NF1: variants seen among roughly 807,000 people sequenced by gnomAD.
NF1 encodes the protein neurofibromin.
NF1 carries 122 observed loss-of-function variants against 325.7 expected under a neutral mutation model. That is an observed-to-expected ratio of 0.37 (90% confidence interval 0.32 to 0.44). NF1 has a LOEUF of 0.44. Among genes scored for constraint, NF1 ranks in the 20% least tolerant of loss-of-function variants. The pLI is 1.00. For missense variants in NF1, 2,140 were observed against 3,415.4 expected, an observed-to-expected ratio of 0.63 and a Z score of 9.31; for synonymous variants, 1,091 against 1,186.0, an observed-to-expected ratio of 0.92 and a Z score of 1.65.
At position 31,340,656 on chromosome 17, in the gene NF1, T is replaced by G; in HGVS notation, c.7062+11T>G. On this transcript the variant is annotated intron_variant, in intron 47 of 57. Coordinates refer to ENST00000358273, the MANE Select transcript of NF1 (RefSeq NM_001042492.3). The stretch of plus-strand genomic sequence containing the variant: ...ATATTCAATGACAAGGTAAGCAAAC[T>G]TTGCCTTGAGGTTCCTAGATTACTC... 6.2e-7 allele frequency: 1 copy of G among 1,613,866 alleles called. No individual in the cohort carries two copies. The highest frequency in any genetic ancestry group is 1.3e-5 in the African/African-American group (1 of 75,028).
chr17:31,350,103 A>T, intron 49 of NF1, 80 bp from the exon 50 acceptor site: 1 of 1,460,742 alleles, frequency 6.8e-7, no homozygotes, highest in Non-Finnish European at 9.6e-7. Context: ...GCTCTTTAGG[A>T]GACTGTAAGA....
chr17:31,329,374 T>C (rs993377011), intron 38 of NF1, among the ~76,000 whole-genome samples: 2 of 152,336 alleles, frequency 1.3e-5, no homozygotes, highest in African/African-American at 4.8e-5. Flanking sequence ...CAGCTTCTGC[T>C]TTTTGCTGAA....
intron 57 of NF1, among the ~76,000 whole-genome samples, chr17:31,361,782 T>A (rs1369842471): frequency 6.6e-6 from 1 of 152,238 alleles, no homozygotes; most frequent in Non-Finnish European, 1.5e-5. Flanking sequence ...TATGTAATTT[T>A]GAAGGTTCTG....
chr17:31,188,524 A>T (rs1008116905), intron 8 of NF1, among the ~76,000 whole-genome samples: 1 of 152,178 alleles, frequency 6.6e-6, no homozygotes, highest in Non-Finnish European at 1.5e-5. Flanking sequence ...TTTAAAGATT[A>T]TGTATGATCT....
rs2069387287 is a variant in NF1 at position 31,327,851 on chromosome 17, A to T, written c.5609+12A>T. ...GACCCGAGTTTACGGTAGGTTTTTTAAAATTCTCTTCAGTTTGATTTGGGG... is the reference window on the plus strand; with the variant it reads ...GACCCGAGTTTACGGTAGGTTTTTTTAAATTCTCTTCAGTTTGATTTGGGG... On this transcript the variant is annotated intron_variant, in intron 38 of 57. Transcript: ENST00000358273. 1 of 1,611,074 alleles carries T rather than the reference A, an allele frequency of 6.2e-7. No individual in the cohort carries two copies. Among genetic ancestry groups the T allele is most frequent in the Non-Finnish European group, 8.5e-7 (1 of 1,177,800 alleles).
At chr17:31,156,603 T>C (rs2065667377) in intron 2 of NF1, among the ~76,000 whole-genome samples, 1 of 152,234 alleles carries the variant, frequency 6.6e-6, no homozygotes. Flanking sequence ...TGAAGATATG[T>C]GTTTTTTCTT....
chr17:31,264,164 C>T (rs1223646230), intron 35 of NF1, among the ~76,000 whole-genome samples: 1 of 151,996 alleles, frequency 6.6e-6, no homozygotes, highest in Non-Finnish European at 1.5e-5. Context: ...TTTGGGAGGC[C>T]GAGGTGGGTA....
chr17:31,235,705 C>T lies in NF1; in HGVS notation c.3803C>T (p.Ala1268Val), dbSNP rs2067188136. 6.2e-7 allele frequency: 1 copy of T among 1,614,058 alleles called. No homozygotes were observed. Among genetic ancestry groups the T allele is most frequent in the South Asian group, 1.1e-5 (1 of 91,080 alleles). The part of the protein sequence containing the change: ...WNMFSKEVEL[A>V]DSMQTLFRGN... ...ATGTTTTCTAAAGAAGTAGAATTGGCAGACTCCATGCAGACTCTCTTCCGA... is the reference window on the plus strand; with the variant it reads ...ATGTTTTCTAAAGAAGTAGAATTGGTAGACTCCATGCAGACTCTCTTCCGA... Residue 1268 changes from alanine to valine, a missense_variant, in exon 28 of 58, where the codon GCA (alanine) becomes GTA (valine). Coordinates refer to ENST00000358273, the MANE Select transcript of NF1 (RefSeq NM_001042492.3).
intron 36 of NF1, among the ~76,000 whole-genome samples, chr17:31,277,577 C>A (rs1275088774): frequency 6.6e-6 from 1 of 152,116 alleles, no homozygotes. Context: ...AGAGGCTGAC[C>A]TGTGTAGAGG....
chr17:31,221,258 C>T (rs2066916396), intron 14 of NF1, among the ~76,000 whole-genome samples: 1 of 151,656 alleles, frequency 6.6e-6, no homozygotes, highest in Non-Finnish European at 1.5e-5. Context: ...ATTTAATTCC[C>T]GTTAGTGTTC....
At chr17:31,108,902 C>T (rs1913141541) in intron 1 of NF1, among the ~76,000 whole-genome samples, 1 of 152,112 alleles carries the variant, frequency 6.6e-6, no homozygotes, top group East Asian at 1.9e-4. Flanking sequence ...ATAATGTTAC[C>T]TGCACTTTTT....
At chr17:31,317,368 A>AACACACACAC (rs3138611) in intron 36 of NF1, among the ~76,000 whole-genome samples, 2,605 of 144,626 alleles carry the variant, frequency 0.018, 36 homozygotes, top group Non-Finnish European at 0.024. Flanking sequence ...TCCAGATTTG[A>AACACACACAC]ACACACACAC....
chr17:31,229,785 G>C (rs2151430319), intron 21 of NF1, 50 bp from the exon 22 acceptor site: 3 of 1,608,180 alleles, frequency 1.9e-6, no homozygotes, highest in African/African-American at 2.7e-5. Flanking sequence ...TAGGGGGTCT[G>C]TCTTCTGGGC....
intron 36 of NF1, among the ~76,000 whole-genome samples, chr17:31,316,821 CAAATTGCTAAT>C (rs2069031920): frequency 1.3e-5 from 2 of 152,258 alleles, no homozygotes; most frequent in African/African-American, 4.8e-5. Flanking sequence ...TTGTTTTTTA[CAAATTGCTAAT>C]AAATTGATAA....
rs2068130399 is a variant in NF1, at chr17:31,282,115, G to A, written c.4835+16776G>A. 2.0e-5 allele frequency among the ~76,000 whole-genome samples: 3 copies of A among 151,944 alleles called. No individual in the cohort carries two copies. In the South Asian group the frequency reaches 6.2e-4, roughly 32 times the overall value. On this transcript the variant is annotated intron_variant, in intron 36 of 57. Coordinates refer to ENST00000358273, the MANE Select transcript of NF1 (RefSeq NM_001042492.3). ...ATACAATTTTGGGCCGGGCGTGGTG[G>A]TTCACGCCTGTAATCCCAGCACTTT...
At position 31,160,689 on chromosome 17, in the gene NF1, T is replaced by TG. The variant is rs2143656022; in HGVS notation, c.288+1597dup. ...CCAGTATATCAGCCACACCCATGAC[T>TG]GAATGGTGGGGCGTGGGGTCATATA... On this transcript the variant is annotated intron_variant, in intron 3 of 57. Coordinates refer to ENST00000358273, the MANE Select transcript of NF1 (RefSeq NM_001042492.3). Among the ~76,000 whole-genome samples the TG allele has an allele frequency of 2.0e-5, 3 of 152,308 alleles. No homozygotes were observed. In the East Asian group the frequency reaches 5.8e-4, roughly 29 times the overall value.
chr17:31,331,923 A>T (rs1461682266), intron 39 of NF1: 22 of 145,896 alleles, frequency 1.5e-4, no homozygotes, highest in Non-Finnish European at 2.3e-4. Flanking sequence ...AAAAAAAAAA[A>T]AAAAAAAAAA....
chr17:31,253,362 A>T (rs916142634), intron 31 of NF1: 1 of 209,386 alleles, frequency 4.8e-6, no homozygotes, highest in African/African-American at 2.3e-5. Flanking sequence ...TTTGAAGGTA[A>T]TGTGAGTGGT....
intron 36 of NF1, chr17:31,296,007 T>C: frequency 6.2e-7 from 1 of 1,614,154 alleles, no homozygotes. Context: ...TTAATGTTGT[T>C]GTTAGCAGCA....
Sources: gnomAD v4.1 joint callset for allele counts (sites outside exome capture counted in the v4.1 genomes callset) on GRCh38, gnomAD v4.1.1 for gene constraint, MANE v1.5 for transcripts, NCBI Gene and HGNC (gene_info 2026-07-23, HGNC 2026-07-21) for gene names.